Variants in LRFN5 observed in about 807,000 individuals in gnomAD.
LRFN5 encodes the protein leucine-rich repeat and fibronectin type-III domain-containing protein 5.
Under a neutral mutation model 45.6 loss-of-function variants are expected in LRFN5, and 24 were observed. The observed-to-expected ratio is 0.53, with a 90% CI of 0.38 to 0.74. The LOEUF (loss-of-function observed/expected upper bound fraction) is 0.74, where lower values mean the gene tolerates loss of function less well. Among genes scored for constraint, LRFN5 ranks in the 30% least tolerant of loss-of-function variants. LRFN5 has a pLI of 0.00. For missense variants in LRFN5, 776 were observed against 861.5 expected (o/e 0.90, Z 1.24); for synonymous variants, 340 against 313.8 (o/e 1.08, Z -0.88).
intron 2 of LRFN5, among the ~76,000 whole-genome samples, chr14:41,843,636 A>G (rs532463709): frequency 6.6e-6 from 1 of 152,172 alleles, no homozygotes; most frequent in African/African-American, 2.4e-5. Flanking sequence ...TACCATAGGG[A>G]TATACTGTTG....
chr14:41,709,884 G>T (rs1403709914), intron 1 of LRFN5, among the ~76,000 whole-genome samples: 1 of 151,914 alleles, frequency 6.6e-6, no homozygotes, highest in Admixed American at 6.6e-5. Context: ...AAAATGTATT[G>T]CAGCTTAAGT....
chr14:41,878,008 T>C (rs1223950360), intron 2 of LRFN5, among the ~76,000 whole-genome samples: 1 of 151,660 alleles, frequency 6.6e-6, no homozygotes, highest in Non-Finnish European at 1.5e-5. Flanking sequence ...ATATATATCA[T>C]ATTTTGAGGC....
At chr14:41,799,241 A>C (rs1401054811) in intron 2 of LRFN5, among the ~76,000 whole-genome samples, 1 of 152,022 alleles carries the variant, frequency 6.6e-6, no homozygotes, top group Non-Finnish European at 1.5e-5. Flanking sequence ...GTAGTCTACA[A>C]ATAACCAAAA....
At chr14:41,734,346 T>TA (rs1566642940) in intron 1 of LRFN5, among the ~76,000 whole-genome samples, 2 of 35,128 alleles carry the variant, frequency 5.7e-5, no homozygotes, top group East Asian at 1.7e-3. Context: ...ATATATATAT[T>TA]TAAATTTGCT....
At chr14:41,866,697 T>C (rs1449269236) in intron 2 of LRFN5, among the ~76,000 whole-genome samples, 1 of 152,138 alleles carries the variant, frequency 6.6e-6, no homozygotes, top group Non-Finnish European at 1.5e-5. Flanking sequence ...ATATCACTTA[T>C]GTAGAACAGC....
chr14:41,846,750 C>G (rs530737401), intron 2 of LRFN5, among the ~76,000 whole-genome samples: 1 of 152,208 alleles, frequency 6.6e-6, no homozygotes, highest in Admixed American at 6.5e-5. Flanking sequence ...GGATGTAGAG[C>G]AGAATCTGTC....
intron 1 of LRFN5, among the ~76,000 whole-genome samples, chr14:41,741,757 T>G (rs927658007): frequency 2.0e-5 from 3 of 150,784 alleles, no homozygotes; most frequent in African/African-American, 7.3e-5. Context: ...AGTGGAGAGA[T>G]AGCCCACAAA....
chr14:41,621,837 T>C (rs1888146465), intron 1 of LRFN5, among the ~76,000 whole-genome samples: 1 of 152,102 alleles, frequency 6.6e-6, no homozygotes, highest in South Asian at 2.1e-4. Context: ...CATCGGTTCC[T>C]TTCTCAGATT....
At chr14:41,670,901 TA>T (rs1245963582) in intron 1 of LRFN5, among the ~76,000 whole-genome samples, 1 of 152,084 alleles carries the variant, frequency 6.6e-6, no homozygotes, top group Non-Finnish European at 1.5e-5. Flanking sequence ...ATTTCACTTT[TA>T]AAAGCTTCTG....
intron 2 of LRFN5, among the ~76,000 whole-genome samples, chr14:41,788,551 G>GT (rs1003458471): frequency 2.1e-5 from 3 of 139,672 alleles, no homozygotes; most frequent in African/African-American, 7.6e-5. Flanking sequence ...AAAAAATTAT[G>GT]TTTAAAAAAA....
intron 1 of LRFN5, among the ~76,000 whole-genome samples, chr14:41,731,544 A>G (rs775426873): frequency 4.4e-4 from 67 of 152,200 alleles, no homozygotes; most frequent in Admixed American, 1.9e-3. Context: ...TCTTTCTAGT[A>G]TAGTTATTAT....
chr14:41,685,209 T>A (rs1882068116), intron 1 of LRFN5, among the ~76,000 whole-genome samples: 1 of 152,122 alleles, frequency 6.6e-6, no homozygotes. Flanking sequence ...GAAGGTAAAT[T>A]AGCACAAGTC....
intron 2 of LRFN5, among the ~76,000 whole-genome samples, chr14:41,782,218 AT>A (rs1214645995): frequency 2.7e-5 from 4 of 150,822 alleles, no homozygotes; most frequent in African/African-American, 9.7e-5. Context: ...TCTTTTTATT[AT>A]TTTTTTTAAA....
Position 41,607,278 on chromosome 14 carries a change from T to C in LRFN5, c.-1481T>C, listed in dbSNP as rs1008469696. Among the ~76,000 whole-genome samples, 1 of 150,512 alleles carries C rather than the reference T, an allele frequency of 6.6e-6. No homozygotes were observed. Among genetic ancestry groups the C allele is most frequent in the Non-Finnish European group, 1.5e-5 (1 of 67,626 alleles). Reference sequence around the variant, plus strand: ...CTGTGAACACAGCCCACCCATATAATCCATTTTGCACGGTCCGTTATATCA... The same window carrying C: ...CTGTGAACACAGCCCACCCATATAACCCATTTTGCACGGTCCGTTATATCA... On this transcript the variant is annotated 5_prime_UTR_variant, in exon 1 of 6. Coordinates refer to ENST00000298119, the MANE Select transcript of LRFN5 (RefSeq NM_152447.5).
intron 1 of LRFN5, among the ~76,000 whole-genome samples, chr14:41,693,311 G>A (rs1387797643): frequency 6.6e-6 from 1 of 152,046 alleles, no homozygotes; most frequent in Admixed American, 6.6e-5. Context: ...TTGCATTGAA[G>A]TTATAAATTG....
At chr14:41,619,003 T>A (rs1888019805) in intron 1 of LRFN5, among the ~76,000 whole-genome samples, 1 of 152,192 alleles carries the variant, frequency 6.6e-6, no homozygotes, top group Middle Eastern at 3.4e-3. Flanking sequence ...GACTTATCAT[T>A]GTATTAGAGA....
At chr14:41,902,535 T>G (rs1891133568) in intron 5 of LRFN5, among the ~76,000 whole-genome samples, 1 of 151,904 alleles carries the variant, frequency 6.6e-6, no homozygotes, top group East Asian at 1.9e-4. Flanking sequence ...GTTCACAAAA[T>G]TTTTATTTCC....
chr14:41,684,339 A>G (rs2138691826), intron 1 of LRFN5, among the ~76,000 whole-genome samples: 1 of 152,328 alleles, frequency 6.6e-6, no homozygotes, highest in South Asian at 2.1e-4. Flanking sequence ...AAGAGGTTTA[A>G]CTGACACACA....
chr14:41,694,317 A>C (rs1882506127), intron 1 of LRFN5, among the ~76,000 whole-genome samples: 1 of 151,946 alleles, frequency 6.6e-6, no homozygotes, highest in Admixed American at 6.6e-5. Flanking sequence ...GTATCTTTTG[A>C]CCAATAACTC....
Sources: gnomAD v4.1 joint callset for allele counts (sites outside exome capture counted in the v4.1 genomes callset) on GRCh38, gnomAD v4.1.1 for gene constraint, MANE v1.5 for transcripts, NCBI Gene and HGNC (gene_info 2026-07-23, HGNC 2026-07-21) for gene names.